SH3RF3: variants seen among roughly 807,000 people sequenced by gnomAD.
SH3RF3 encodes SH3 domain containing ring finger 3.
In SH3RF3, 29 loss-of-function variants were observed where a neutral mutation model predicts 66.3. The ratio of observed to expected loss-of-function variants is 0.44; its 90% CI spans 0.33 to 0.60. The LOEUF is 0.60. SH3RF3 is among the 20% of genes least tolerant of loss of function. The pLI is 0.04. For missense variants in SH3RF3, 1,194 were observed against 1,190.9 expected, an observed-to-expected ratio of 1.00 and a Z score of -0.04; for synonymous variants, 583 against 532.0, an observed-to-expected ratio of 1.10 and a Z score of -1.32.
At chr2:109,381,790 G>A (rs1267565771) in intron 3 of SH3RF3, among the ~76,000 whole-genome samples, 1 of 152,118 alleles carries the variant, frequency 6.6e-6, no homozygotes, top group Non-Finnish European at 1.5e-5. Context: ...AGGGCAGTTG[G>A]ATTTTATGGC....
intron 8 of SH3RF3, among the ~76,000 whole-genome samples, chr2:109,459,163 T>C (rs540876399): frequency 1.2e-3 from 185 of 152,206 alleles, no homozygotes; most frequent in Admixed American, 3.3e-3. Flanking sequence ...AATCATATCA[T>C]ATAAAGTCAG....
intron 1 of SH3RF3, among the ~76,000 whole-genome samples, chr2:109,224,162 G>C (rs1354310297): frequency 6.6e-6 from 1 of 152,226 alleles, no homozygotes; most frequent in Non-Finnish European, 1.5e-5. Flanking sequence ...GGCAGGCCTA[G>C]AGAGTGTGTG....
intron 7 of SH3RF3, among the ~76,000 whole-genome samples, chr2:109,446,108 T>C (rs1677696912): frequency 6.6e-6 from 1 of 151,770 alleles, no homozygotes. Flanking sequence ...CAGCTCGGGG[T>C]TGGGGCACCC....
At chr2:109,365,407 C>A (rs1326610030) in intron 2 of SH3RF3, among the ~76,000 whole-genome samples, 1 of 152,206 alleles carries the variant, frequency 6.6e-6, no homozygotes, top group Admixed American at 6.5e-5. Context: ...TTGGGGATTT[C>A]TGGTATTTCC....
At chr2:109,154,162 A>G (rs1677284451) in intron 1 of SH3RF3, among the ~76,000 whole-genome samples, 1 of 152,168 alleles carries the variant, frequency 6.6e-6, no homozygotes, top group Admixed American at 6.5e-5. Flanking sequence ...AGGGTTCAAA[A>G]TGTCATCCCT....
At chr2:109,246,280 C>T (rs1207585129) in intron 1 of SH3RF3, among the ~76,000 whole-genome samples, 1 of 152,226 alleles carries the variant, frequency 6.6e-6, no homozygotes, top group East Asian at 1.9e-4. Context: ...GATCAAGGCA[C>T]TGGCAGATTC....
intron 8 of SH3RF3, among the ~76,000 whole-genome samples, chr2:109,452,215 C>A (rs1042750017): frequency 6.6e-6 from 1 of 152,206 alleles, no homozygotes; most frequent in Non-Finnish European, 1.5e-5. Context: ...CCAGTGTGAC[C>A]TGCACCAGCA....
chr2:109,203,398 G>A (rs1049732495), intron 1 of SH3RF3, among the ~76,000 whole-genome samples: 12 of 152,182 alleles, frequency 7.9e-5, no homozygotes, highest in African/African-American at 2.7e-4. Context: ...GGGTGTTTCC[G>A]CGTCCCTACG....
At chr2:109,416,371 G>A (rs1676721930) in intron 4 of SH3RF3, among the ~76,000 whole-genome samples, 1 of 151,912 alleles carries the variant, frequency 6.6e-6, no homozygotes, top group South Asian at 2.1e-4. Flanking sequence ...GAGGAGGGCA[G>A]ATCACCTGAG....
intron 5 of SH3RF3, among the ~76,000 whole-genome samples, chr2:109,424,726 T>C (rs961959211): frequency 2.6e-5 from 4 of 152,170 alleles, no homozygotes; most frequent in Non-Finnish European, 5.9e-5. Context: ...ATAAGTGATG[T>C]GTATGTTCTG....
chr2:109,351,570 C>T (rs1483939555), intron 2 of SH3RF3, among the ~76,000 whole-genome samples: 1 of 152,264 alleles, frequency 6.6e-6, no homozygotes, highest in Non-Finnish European at 1.5e-5. Context: ...GGTCGCCTTG[C>T]CAGGCAGCTG....
At chr2:109,305,635 T>G (rs2105409106) in intron 1 of SH3RF3, among the ~76,000 whole-genome samples, 1 of 152,330 alleles carries the variant, frequency 6.6e-6, no homozygotes, top group Non-Finnish European at 1.5e-5. Flanking sequence ...TCCTCTTGAC[T>G]GTGGGCCTCA....
chr2:109,158,975 G>C (rs1337154520), intron 1 of SH3RF3, among the ~76,000 whole-genome samples: 1 of 152,110 alleles, frequency 6.6e-6, no homozygotes, highest in African/African-American at 2.4e-5. Flanking sequence ...AAATTAGCTG[G>C]GTGTGGTGGC....
chr2:109,136,234 A>C lies in SH3RF3; in HGVS notation c.573+6121A>C, dbSNP rs552502103. ...TCTTTTTTGAGGTGCATTAAAAAAA[A>C]ACACACACATCAGCAAGCATTTGCT... On this transcript the variant is annotated intron_variant, in intron 1 of 9. Transcript: ENST00000309415. 5.3e-5 allele frequency among the ~76,000 whole-genome samples: 8 copies of C among 152,288 alleles called. No individual in the cohort carries two copies. The South Asian group carries it at 1.7e-3, about 32-fold the overall frequency.
At chr2:109,353,406 T>C (rs1213146031) in intron 2 of SH3RF3, among the ~76,000 whole-genome samples, 1 of 152,226 alleles carries the variant, frequency 6.6e-6, no homozygotes, top group African/African-American at 2.4e-5. Flanking sequence ...CACCCCACAC[T>C]GAGACTCCCT....
intron 4 of SH3RF3, among the ~76,000 whole-genome samples, chr2:109,401,840 C>A (rs1409018045): frequency 6.6e-6 from 1 of 152,200 alleles, no homozygotes; most frequent in Non-Finnish European, 1.5e-5. Flanking sequence ...TCTATTGGGG[C>A]TGGAAGGGAA....
At chr2:109,463,392 C>A (rs1195197164) in intron 8 of SH3RF3, among the ~76,000 whole-genome samples, 1 of 152,168 alleles carries the variant, frequency 6.6e-6, no homozygotes, top group South Asian at 2.1e-4. Flanking sequence ...GCTCTGGGAC[C>A]CAGTCACTTC....
At chr2:109,200,487 G>A (rs1436606169) in intron 1 of SH3RF3, among the ~76,000 whole-genome samples, 1 of 152,108 alleles carries the variant, frequency 6.6e-6, no homozygotes, top group East Asian at 1.9e-4. Flanking sequence ...AGTCCCCTGT[G>A]TCCTGCTCAG....
At chr2:109,336,995 C>A (rs985704615) in intron 1 of SH3RF3, among the ~76,000 whole-genome samples, 6 of 152,324 alleles carry the variant, frequency 3.9e-5, no homozygotes, top group Admixed American at 6.5e-5. Flanking sequence ...AATGCAATAT[C>A]TATGTGAAAT....
Sources: gnomAD v4.1 joint callset for allele counts (sites outside exome capture counted in the v4.1 genomes callset) on GRCh38, gnomAD v4.1.1 for gene constraint, MANE v1.5 for transcripts, NCBI Gene and HGNC (gene_info 2026-07-23, HGNC 2026-07-21) for gene names.